CHN1: variants seen among roughly 807,000 people sequenced by gnomAD.
The protein encoded by CHN1 is N-chimaerin.
In CHN1, 37 loss-of-function variants were observed where a neutral mutation model predicts 59.5. The observed-to-expected ratio is 0.62, with a 90% CI of 0.48 to 0.82. CHN1 has a LOEUF of 0.82. Among genes scored for constraint, CHN1 ranks in the 40% least tolerant of loss-of-function variants. CHN1 has a pLI of 0.00. For synonymous variants in CHN1, 206 were observed against 200.4 expected (o/e 1.03, Z -0.24); for missense variants, 469 against 571.0 (o/e 0.82, Z 1.82).
intron 1 of CHN1, among the ~76,000 whole-genome samples, chr2:174,976,805 T>C (rs1275836725): frequency 6.6e-6 from 1 of 152,204 alleles, no homozygotes; most frequent in Non-Finnish European, 1.5e-5. Flanking sequence ...AAATCGTTCA[T>C]TTCTATATCA....
At chr2:174,890,510 C>G (rs573029440) in intron 5 of CHN1, among the ~76,000 whole-genome samples, 1 of 152,078 alleles carries the variant, frequency 6.6e-6, no homozygotes, top group Admixed American at 6.6e-5. Context: ...ATGGGCAATA[C>G]AGCAAGACCA....
intron 5 of CHN1, among the ~76,000 whole-genome samples, chr2:174,887,699 T>C (rs1687932527): frequency 6.6e-6 from 1 of 152,246 alleles, no homozygotes. Context: ...AATTAGGCTA[T>C]GTATCTTTTA....
chr2:174,870,216 G>A (rs1410512465), intron 6 of CHN1, among the ~76,000 whole-genome samples: 1 of 152,020 alleles, frequency 6.6e-6, no homozygotes, highest in Non-Finnish European at 1.5e-5. Context: ...ACTTTAAAAG[G>A]GACATAAAGA....
chr2:174,904,637 C>T (rs577876028), intron 5 of CHN1, among the ~76,000 whole-genome samples: 365 of 152,282 alleles, frequency 2.4e-3, no homozygotes, highest in African/African-American at 8.3e-3. Flanking sequence ...ATCTGCCCAC[C>T]TTGGCCTCCT....
intron 3 of CHN1, among the ~76,000 whole-genome samples, chr2:174,938,382 C>T (rs551114062): frequency 6.6e-6 from 1 of 151,628 alleles, no homozygotes; most frequent in Non-Finnish European, 1.5e-5. Context: ...AGTTGTTATA[C>T]AGATATTTAA....
At chr2:174,925,676 C>G (rs773807236) in intron 3 of CHN1, among the ~76,000 whole-genome samples, 2 of 152,212 alleles carry the variant, frequency 1.3e-5, no homozygotes, top group East Asian at 1.9e-4. Context: ...TTCTTTCTAC[C>G]GACTTCAAGT....
chr2:174,824,147 G>A (rs150605699), intron 8 of CHN1, among the ~76,000 whole-genome samples: 161 of 152,262 alleles, frequency 1.1e-3, no homozygotes, highest in African/African-American at 3.4e-3. Context: ...AAATATAACT[G>A]CCTTACTTTT....
At chr2:174,822,282 C>A (rs1013771802) in intron 8 of CHN1, among the ~76,000 whole-genome samples, 3 of 152,166 alleles carry the variant, frequency 2.0e-5, no homozygotes, top group African/African-American at 7.2e-5. Context: ...CTGACCTTTA[C>A]TCACAATAAG....
Position 174,984,552 on chromosome 2 carries a change from AGAGATGGGGTTT to A in CHN1, c.19+20330_19+20341del, listed in dbSNP as rs746250621. Among the ~76,000 whole-genome samples, 158 of 152,104 alleles carry A rather than the reference AGAGATGGGGTTT, an allele frequency of 1.0e-3. 1 individual carries two copies. Among genetic ancestry groups the A allele is most frequent in the South Asian group, 1.9e-3 (9 of 4,810 alleles). Reference sequence around the variant, plus strand: ...CCCAGCTAATTTTTGTATTTTTAGTAGAGATGGGGTTTCACCATATTGGCCAGGATGGTCTCG... The same window carrying A: ...CCCAGCTAATTTTTGTATTTTTAGTACACCATATTGGCCAGGATGGTCTCG... On this transcript the variant is annotated intron_variant, in intron 1 of 12. Transcript: ENST00000409900.
intron 11 of CHN1, among the ~76,000 whole-genome samples, chr2:174,804,560 A>G (rs556857382): frequency 6.6e-6 from 1 of 152,358 alleles, no homozygotes; most frequent in South Asian, 2.1e-4. Context: ...ATCCAGGTGA[A>G]GAATGACAGT....
chr2:174,876,950 C>A (rs1407101472), intron 6 of CHN1, among the ~76,000 whole-genome samples: 1 of 152,170 alleles, frequency 6.6e-6, no homozygotes, highest in Non-Finnish European at 1.5e-5. Flanking sequence ...ACAAATCTTG[C>A]ATAGAATCCG....
chr2:174,856,111 A>G (rs1686893169), intron 6 of CHN1, among the ~76,000 whole-genome samples: 1 of 152,124 alleles, frequency 6.6e-6, no homozygotes, highest in African/African-American at 2.4e-5. Context: ...TGACTACCAG[A>G]TTCAACAATC....
Position 174,997,994 on chromosome 2 carries a change from C to CA in CHN1, c.19+6899dup, listed in dbSNP as rs537594884. 5.3e-3 allele frequency among the ~76,000 whole-genome samples: 396 copies of CA among 74,900 alleles called. 1 individual carries two copies. The highest frequency in any genetic ancestry group is 0.02 in the Middle Eastern group (2 of 100). The allele number at this position is 74,900 out of a possible 152,430, so 49.1% of individuals were successfully genotyped here. A position where few individuals can be genotyped will look rare whatever the true frequency, so the allele number is the denominator to read the frequency against. On this transcript the variant is annotated intron_variant, in intron 1 of 12. Coordinates refer to ENST00000409900, the MANE Select transcript of CHN1 (RefSeq NM_001822.7). ...ACAGTAAGACTCTGTCTCGGGGGCG[C>CA]AAAAAAAAAAAAAAGATACAAGATA...
chr2:174,875,868 G>A, intron 6 of CHN1: 1 of 980,078 alleles, frequency 1.0e-6, no homozygotes, highest in Non-Finnish European at 1.2e-6. Context: ...GATGACACCT[G>A]TAAATAAAAT....
At chr2:174,896,398 T>G (rs988394352) in intron 5 of CHN1, among the ~76,000 whole-genome samples, 1 of 152,168 alleles carries the variant, frequency 6.6e-6, no homozygotes, top group African/African-American at 2.4e-5. Flanking sequence ...CTGTCACTGC[T>G]TCCTGAGCTT....
intron 1 of CHN1, among the ~76,000 whole-genome samples, chr2:174,961,334 C>A (rs1690399827): frequency 6.6e-6 from 1 of 151,922 alleles, no homozygotes; most frequent in Non-Finnish European, 1.5e-5. Flanking sequence ...CACCTGTAAT[C>A]CCAGCACTTT....
intron 6 of CHN1, among the ~76,000 whole-genome samples, chr2:174,849,404 T>C (rs990559927): frequency 4.6e-5 from 7 of 152,168 alleles, no homozygotes; most frequent in South Asian, 2.1e-4. Context: ...AGTAAGGAGA[T>C]AGAAAACAAC....
At chr2:174,928,965 T>C (rs1172227714) in intron 3 of CHN1, among the ~76,000 whole-genome samples, 3 of 151,972 alleles carry the variant, frequency 2.0e-5, no homozygotes, top group South Asian at 4.2e-4. Context: ...CTACATAGAG[T>C]TGGAAGTGAC....
intron 2 of CHN1, among the ~76,000 whole-genome samples, chr2:174,947,003 C>A (rs892746664): frequency 3.3e-5 from 5 of 149,852 alleles, no homozygotes. Flanking sequence ...ATCAGTAATT[C>A]TCAAAATATT....
Sources: gnomAD v4.1 joint callset for allele counts (sites outside exome capture counted in the v4.1 genomes callset) on GRCh38, gnomAD v4.1.1 for gene constraint, MANE v1.5 for transcripts, NCBI Gene and HGNC (gene_info 2026-07-23, HGNC 2026-07-21) for gene names.